The following FAM184B variants were observed in gnomAD, a reference collection of about 807,000 sequenced individuals.
FAM184B encodes family with sequence similarity 184 member B.
Under a neutral mutation model 135.9 loss-of-function variants are expected in FAM184B, and 111 were observed. That is an observed-to-expected ratio of 0.82 (90% CI 0.70 to 0.96). FAM184B has a LOEUF of 0.96. Among genes scored for constraint, FAM184B ranks in the 40% least tolerant of loss-of-function variants. The pLI is 0.00. For missense variants in FAM184B, 1,375 were observed against 1,323.9 expected, an observed-to-expected ratio of 1.04 and a Z score of -0.60; for synonymous variants, 552 against 524.8, an observed-to-expected ratio of 1.05 and a Z score of -0.71.
chr4:17,754,631 G>T (rs2108989858), intron 1 of FAM184B, among the ~76,000 whole-genome samples: 1 of 151,450 alleles, frequency 6.6e-6, no homozygotes, highest in African/African-American at 2.4e-5. Flanking sequence ...ACACATCCTG[G>T]GTGGAATAGA....
At chr4:17,657,781 C>T (rs936753470) in intron 10 of FAM184B, among the ~76,000 whole-genome samples, 3 of 151,456 alleles carry the variant, frequency 2.0e-5, no homozygotes, top group Admixed American at 1.3e-4. Flanking sequence ...CTCAGCCTCC[C>T]AAGTAGCTGG....
At chr4:17,636,057 T>C (rs761359537) in intron 15 of FAM184B, among the ~76,000 whole-genome samples, 5 of 152,046 alleles carry the variant, frequency 3.3e-5, no homozygotes, top group Non-Finnish European at 5.9e-5. Flanking sequence ...TTTTGCCTCC[T>C]ATTTTCCTGT....
intron 7 of FAM184B, among the ~76,000 whole-genome samples, chr4:17,672,840 C>CT (rs1716209828): frequency 6.6e-6 from 1 of 152,014 alleles, no homozygotes; most frequent in African/African-American, 2.4e-5. Context: ...CTTTAGTTTT[C>CT]TTTTTTTGTT....
chr4:17,688,222 G>A (rs1024281752), intron 7 of FAM184B, among the ~76,000 whole-genome samples: 2 of 152,064 alleles, frequency 1.3e-5, no homozygotes, highest in African/African-American at 4.8e-5. Context: ...AAACCATGCA[G>A]ATAATTAGTC....
chr4:17,649,189 AGT>A (rs1246352005), intron 11 of FAM184B, among the ~76,000 whole-genome samples: 4 of 152,192 alleles, frequency 2.6e-5, no homozygotes, highest in Admixed American at 2.6e-4. Context: ...AGGTGATAAA[AGT>A]GTATTCATTA....
intron 10 of FAM184B, among the ~76,000 whole-genome samples, chr4:17,657,485 C>T (rs1715801845): frequency 6.6e-6 from 1 of 152,142 alleles, no homozygotes; most frequent in Non-Finnish European, 1.5e-5. Context: ...CAAGGAACTG[C>T]TTAAGACGGC....
chr4:17,768,977 G>A (rs1439649234), intron 1 of FAM184B, among the ~76,000 whole-genome samples: 1 of 151,602 alleles, frequency 6.6e-6, no homozygotes, highest in Non-Finnish European at 1.5e-5. Flanking sequence ...CTAATTTTCT[G>A]TTTTTAGTAG....
intron 1 of FAM184B, among the ~76,000 whole-genome samples, chr4:17,768,446 T>G (rs1718744455): frequency 6.6e-6 from 1 of 152,230 alleles, no homozygotes; most frequent in Non-Finnish European, 1.5e-5. Flanking sequence ...AGCTAATTTT[T>G]GTATTTTTAG....
intron 7 of FAM184B, among the ~76,000 whole-genome samples, chr4:17,673,317 G>T (rs960998650): frequency 1.6e-4 from 24 of 152,158 alleles, no homozygotes; most frequent in Admixed American, 1.6e-3. Flanking sequence ...CTGCTGGTGG[G>T]AATGTAAACT....
chr4:17,755,441 T>G (rs1361112673), intron 1 of FAM184B, among the ~76,000 whole-genome samples: 1 of 152,196 alleles, frequency 6.6e-6, no homozygotes, highest in Non-Finnish European at 1.5e-5. Context: ...GAAAAAGGAA[T>G]GCTTTTACAC....
intron 1 of FAM184B, among the ~76,000 whole-genome samples, chr4:17,729,703 T>G (rs1214902007): frequency 6.6e-6 from 1 of 152,204 alleles, no homozygotes; most frequent in Non-Finnish European, 1.5e-5. Flanking sequence ...CAGCTGACGG[T>G]CCTGTCTGTT....
intron 1 of FAM184B, among the ~76,000 whole-genome samples, chr4:17,774,014 G>A (rs1718872826): frequency 6.6e-6 from 1 of 152,188 alleles, no homozygotes; most frequent in Non-Finnish European, 1.5e-5. Flanking sequence ...AATGGGAATT[G>A]GAGAATCCCT....
intron 5 of FAM184B, among the ~76,000 whole-genome samples, chr4:17,694,261 C>T (rs1054035491): frequency 3.3e-5 from 5 of 152,180 alleles, no homozygotes; most frequent in African/African-American, 7.2e-5. Flanking sequence ...CGGTGGCTGA[C>T]GCCTGTAATC....
chr4:17,641,688 CAG>C (rs988735404), intron 13 of FAM184B, among the ~76,000 whole-genome samples: 2 of 56,692 alleles, frequency 3.5e-5, no homozygotes, highest in Non-Finnish European at 7.8e-5. Flanking sequence ...TTAGTGGAGA[CAG>C]GGTTTCATCA....
chr4:17,693,184 C>T, intron 6 of FAM184B, 118 bp downstream of exon 6: 1 of 681,026 alleles, frequency 1.5e-6, no homozygotes, highest in African/African-American at 1.8e-5. Context: ...CCCGAGACAG[C>T]CTGCCTGTCT....
At chr4:17,735,984 A>G (rs2108980622) in intron 1 of FAM184B, among the ~76,000 whole-genome samples, 1 of 152,314 alleles carries the variant, frequency 6.6e-6, no homozygotes, top group Middle Eastern at 3.4e-3. Flanking sequence ...AAAAACATCA[A>G]TAGATGATGA....
intron 5 of FAM184B, among the ~76,000 whole-genome samples, chr4:17,694,657 T>C (rs4235389): frequency 0.61 from 93,024 of 152,020 alleles, 29,043 homozygotes; most frequent in East Asian, 0.93. Flanking sequence ...GACATTGTGT[T>C]ACTCATTCAT....
chr4:17,731,935 G>A (rs1159938492), intron 1 of FAM184B, among the ~76,000 whole-genome samples: 1 of 152,084 alleles, frequency 6.6e-6, no homozygotes, highest in Non-Finnish European at 1.5e-5. Context: ...ATAGTTGGAA[G>A]TAAAGCACTC....
chr4:17,645,441 A>G (rs28811615), intron 12 of FAM184B, among the ~76,000 whole-genome samples: 79,440 of 151,982 alleles, frequency 0.52, 23,363 homozygotes, highest in East Asian at 0.88. Context: ...CAACTATCTG[A>G]TCTTTGACAA....
Sources: allele counts gnomAD v4.1 joint callset (sites outside exome capture counted in the v4.1 genomes callset), GRCh38; gene constraint gnomAD v4.1.1; transcripts MANE v1.5; gene names NCBI Gene and HGNC (gene_info 2026-07-23, HGNC 2026-07-21).